STS: variants seen among roughly 807,000 people sequenced by gnomAD.
STS encodes the protein steroid sulfatase.
In STS, 7 loss-of-function variants were observed where a neutral mutation model predicts 26.8. That is an observed-to-expected ratio of 0.26 (90% CI 0.15 to 0.49). STS has a LOEUF of 0.49. Ranked by LOEUF, STS falls within the 20% of genes least tolerant of loss-of-function variation. The probability of loss-of-function intolerance (pLI) is 0.98; values close to 1 mark genes in which losing one functional copy is unlikely to be tolerated. For missense variants in STS, 434 were observed against 465.6 expected, an observed-to-expected ratio of 0.93 and a Z score of 0.63; for synonymous variants, 199 against 189.4, an observed-to-expected ratio of 1.05 and a Z score of -0.42.
At chrX:7,238,244 T>G (rs1285020016) in intron 2 of STS, among the ~76,000 whole-genome samples, 1 of 109,270 alleles carries the variant, frequency 9.2e-6, no homozygotes, top group Non-Finnish European at 1.9e-5. Flanking sequence ...TTTTATCCAG[T>G]CATCGTTGAT....
chrX:7,224,332 T>A (rs760236736), intron 2 of STS, among the ~76,000 whole-genome samples: 4 of 111,385 alleles, frequency 3.6e-5, no homozygotes, highest in Non-Finnish European at 7.5e-5. Context: ...TCATACCAAT[T>A]TTATGGCTGT....
chrX:7,216,075 G>C (rs1301023589), intron 2 of STS, among the ~76,000 whole-genome samples: 2 of 111,878 alleles, frequency 1.8e-5, no homozygotes, highest in Non-Finnish European at 3.8e-5. Flanking sequence ...ATTGGAATGT[G>C]TTGCTCCTCC....
chrX:7,285,380 C>A (rs1320768751), intron 7 of STS, among the ~76,000 whole-genome samples: 1 of 111,815 alleles, frequency 8.9e-6, no homozygotes, highest in Non-Finnish European at 1.9e-5. Context: ...TGAGAAAGGT[C>A]TTTCTGAGCA....
At chrX:7,180,356 CA>C in intron 1 of STS, among the ~76,000 whole-genome samples, 1 of 111,813 alleles carries the variant, frequency 8.9e-6, no homozygotes, top group African/African-American at 3.3e-5. Flanking sequence ...ATGCACAGTT[CA>C]AAATAGGGTT....
chrX:7,233,219 A>T, intron 2 of STS, among the ~76,000 whole-genome samples: 1 of 103,776 alleles, frequency 9.6e-6, no homozygotes. Flanking sequence ...TCAGCCTCCC[A>T]AGCAGCTGGG....
intron 9 of STS, 71 bp downstream of exon 9, chrX:7,325,569 G>A: frequency 8.7e-7 from 1 of 1,150,397 alleles, no homozygotes; most frequent in Non-Finnish European, 1.2e-6. Flanking sequence ...TGGTTTGCCT[G>A]CATAATGGTG....
chrX:7,326,235 C>T (rs369146367), intron 9 of STS, among the ~76,000 whole-genome samples: 5 of 111,158 alleles, frequency 4.5e-5, no homozygotes, highest in African/African-American at 1.6e-4. Flanking sequence ...CGGTCTGGGG[C>T]CTTACTGGTG....
intron 8 of STS, among the ~76,000 whole-genome samples, chrX:7,311,496 A>G (rs781744478): frequency 4.5e-5 from 5 of 111,382 alleles, no homozygotes; most frequent in Non-Finnish European, 9.4e-5. Context: ...CTTGACTTGT[A>G]GATGTGTCAC....
chrX:7,175,926 C>CTT (rs1375022944), intron 1 of STS, among the ~76,000 whole-genome samples: 1 of 111,090 alleles, frequency 9.0e-6, no homozygotes, highest in Non-Finnish European at 1.9e-5. Context: ...CAGCCTCATC[C>CTT]TTAGGACTTT....
intron 1 of STS, among the ~76,000 whole-genome samples, chrX:7,168,861 A>G (rs1407608359): frequency 4.5e-5 from 5 of 111,733 alleles, no homozygotes; most frequent in African/African-American, 1.6e-4. Flanking sequence ...TTCCACTCAC[A>G]GTAGGGTTTA....
chrX:7,215,000 A>G (rs903166764), intron 2 of STS, among the ~76,000 whole-genome samples: 3 of 62,491 alleles, frequency 4.8e-5, no homozygotes, highest in South Asian at 8.1e-4. Flanking sequence ...ACGTATATAT[A>G]CATATATACG....
intron 8 of STS, among the ~76,000 whole-genome samples, chrX:7,320,694 A>G (rs1418071187): frequency 8.9e-6 from 1 of 111,986 alleles, no homozygotes; most frequent in East Asian, 2.8e-4. Flanking sequence ...TCTGCTTTCA[A>G]CTGCTTGAAT....
rs772154299 is a variant in STS, at chrX:7,311,802, A to T, written c.1081+6619A>T. 1.1e-3 allele frequency among the ~76,000 whole-genome samples: 120 copies of T among 112,290 alleles called. 1 individual carries two copies. The highest frequency in any genetic ancestry group is 2.0e-3 in the Non-Finnish European group (105 of 53,183). ...GAGTTTGAATCTGCAGTGAGCTATG[A>T]TTGCACCACTGCACTCCAGGCTGGT... On this transcript the variant is annotated intron_variant, in intron 8 of 10. Transcript: ENST00000674429.
intron 2 of STS, among the ~76,000 whole-genome samples, chrX:7,217,215 C>T (rs1413920650): frequency 9.0e-6 from 1 of 111,271 alleles, no homozygotes; most frequent in African/African-American, 3.3e-5. Context: ...GATCCCTGAT[C>T]AGATACTGAG....
intron 1 of STS, among the ~76,000 whole-genome samples, chrX:7,159,171 C>T (rs917988799): frequency 6.4e-5 from 7 of 109,640 alleles, no homozygotes; most frequent in Admixed American, 1.9e-4. Flanking sequence ...ACAAACAACA[C>T]GAGGAAACTA....
intron 1 of STS, among the ~76,000 whole-genome samples, chrX:7,184,441 A>G (rs1036523222): frequency 1.8e-5 from 2 of 112,587 alleles, no homozygotes; most frequent in Admixed American, 9.4e-5. Context: ...TGCATTGCCA[A>G]TTAAAAATTT....
intron 9 of STS, among the ~76,000 whole-genome samples, chrX:7,328,084 A>T (rs1927565699): frequency 1.8e-5 from 2 of 111,516 alleles, no homozygotes; most frequent in Admixed American, 1.9e-4. Context: ...AAAGCCAAAA[A>T]TCCCATTCTC....
intron 7 of STS, among the ~76,000 whole-genome samples, chrX:7,304,621 T>C (rs1221088367): frequency 9.8e-5 from 11 of 112,170 alleles, no homozygotes; most frequent in Non-Finnish European, 2.1e-4. Flanking sequence ...GGAACATCAC[T>C]GGTTTAGTTT....
intron 2 of STS, among the ~76,000 whole-genome samples, chrX:7,198,360 A>C (rs781524399): frequency 9.0e-6 from 1 of 111,276 alleles, no homozygotes; most frequent in Non-Finnish European, 1.9e-5. Context: ...CCTGGTCTGC[A>C]TGGCACCAGT....
Sources: gnomAD v4.1 joint callset for allele counts (sites outside exome capture counted in the v4.1 genomes callset) on GRCh38, gnomAD v4.1.1 for gene constraint, MANE v1.5 for transcripts, NCBI Gene and HGNC (gene_info 2026-07-23, HGNC 2026-07-21) for gene names.